The following ARMC2 variants were observed in gnomAD, a reference collection of about 807,000 sequenced individuals.
ARMC2 encodes the protein armadillo repeat-containing protein 2.
A neutral mutation model predicts 90.3 loss-of-function variants in ARMC2; 67 were observed. The observed-to-expected ratio is 0.74, with a 90% confidence interval of 0.61 to 0.91. The LOEUF (loss-of-function observed/expected upper bound fraction) is 0.91. Ranked by LOEUF, ARMC2 falls within the 40% of genes least tolerant of loss-of-function variation. The pLI is 0.00. For missense variants in ARMC2, 920 were observed against 1,030.9 expected, an observed-to-expected ratio of 0.89 and a Z score of 1.47; for synonymous variants, 393 against 393.0, an observed-to-expected ratio of 1.00 and a Z score of 0.00.
chr6:108,860,234 C>T (rs1181002871), intron 3 of ARMC2, among the ~76,000 whole-genome samples: 4 of 151,752 alleles, frequency 2.6e-5, no homozygotes, highest in African/African-American at 9.7e-5. Context: ...AGCATGTTAT[C>T]TGAGTATATT....
intron 6 of ARMC2, among the ~76,000 whole-genome samples, chr6:108,898,005 A>C (rs1771765917): frequency 6.6e-6 from 1 of 152,208 alleles, no homozygotes; most frequent in Non-Finnish European, 1.5e-5. Context: ...GAAAATACAG[A>C]AGAGCGCATA....
intron 10 of ARMC2, among the ~76,000 whole-genome samples, chr6:108,915,257 G>A (rs1583100973): frequency 6.6e-6 from 1 of 152,202 alleles, no homozygotes; most frequent in South Asian, 2.1e-4. Context: ...TGCCTGGCCA[G>A]GAGGCATTTT....
intron 12 of ARMC2, among the ~76,000 whole-genome samples, chr6:108,940,932 A>G (rs551576706): frequency 1.3e-5 from 2 of 152,230 alleles, no homozygotes; most frequent in South Asian, 4.1e-4. Flanking sequence ...AGAGAGAGAG[A>G]GAAGACTGGC....
chr6:108,895,609 G>T (rs968238896), intron 6 of ARMC2, among the ~76,000 whole-genome samples: 4 of 151,920 alleles, frequency 2.6e-5, no homozygotes, highest in African/African-American at 9.7e-5. Flanking sequence ...GTCTAGAAAT[G>T]ATACAAAATG....
intron 1 of ARMC2, among the ~76,000 whole-genome samples, chr6:108,853,812 A>G (rs1774248082): frequency 6.6e-6 from 1 of 152,234 alleles, no homozygotes; most frequent in Non-Finnish European, 1.5e-5. Flanking sequence ...TTAGAAATAC[A>G]ACATTTCTGT....
intron 10 of ARMC2, among the ~76,000 whole-genome samples, chr6:108,913,848 G>A (rs1235291491): frequency 6.6e-6 from 1 of 152,028 alleles, no homozygotes; most frequent in Non-Finnish European, 1.5e-5. Flanking sequence ...GCACCTTTTA[G>A]TACACACACA....
intron 13 of ARMC2, among the ~76,000 whole-genome samples, chr6:108,960,881 G>A (rs1211373087): frequency 2.0e-5 from 3 of 152,200 alleles, no homozygotes; most frequent in African/African-American, 7.2e-5. Context: ...GGGTCTGGGA[G>A]TAGGAGGAGC....
rs758101638 is a variant in ARMC2, at chr6:108,962,128, G to T, written c.2152+1G>T. 6.3e-7 allele frequency: 1 copy of T among 1,594,994 alleles called. No individual in the cohort carries two copies. Among genetic ancestry groups the T allele is most frequent in the South Asian group, 1.1e-5 (1 of 88,930 alleles). The stretch of plus-strand genomic sequence containing the variant: ...TGCGATTTCATTGTGCAGAACAATG[G>T]TGAGTTAATAACACTAGAATTCATA... On this transcript the variant is annotated splice_donor_variant, in intron 15 of 17. Coordinates refer to ENST00000392644, the MANE Select transcript of ARMC2 (RefSeq NM_032131.6). LOFTEE classifies it high-confidence loss of function.
intron 4 of ARMC2, among the ~76,000 whole-genome samples, chr6:108,869,679 C>T (rs1776192435): frequency 6.6e-6 from 1 of 152,118 alleles, no homozygotes; most frequent in African/African-American, 2.4e-5. Context: ...TGAGAATGCC[C>T]TTCTGATCCC....
the ARMC2 span, among the ~76,000 whole-genome samples, chr6:109,002,023 A>C: frequency 6.6e-6 from 1 of 152,236 alleles, no homozygotes. Flanking sequence ...CAGATGTTGT[A>C]TCACTGGTCA....
At chr6:108,926,576 T>G (rs187306941) in intron 10 of ARMC2, among the ~76,000 whole-genome samples, 29 of 152,230 alleles carry the variant, frequency 1.9e-4, no homozygotes, top group African/African-American at 6.5e-4. Context: ...AATACAAAAA[T>G]TAGCCAGACA....
At chr6:108,967,176 G>A (rs2128517353) in intron 17 of ARMC2, among the ~76,000 whole-genome samples, 1 of 152,298 alleles carries the variant, frequency 6.6e-6, no homozygotes, top group South Asian at 2.1e-4. Context: ...GCTTCCACTT[G>A]CTGCCCTCCC....
chr6:108,970,700 G>A (rs1778705268), intron 17 of ARMC2, among the ~76,000 whole-genome samples: 2 of 151,150 alleles, frequency 1.3e-5, no homozygotes, highest in Non-Finnish European at 2.9e-5. Flanking sequence ...GTTTCATCAT[G>A]TTGGCCAGGT....
the ARMC2 span, among the ~76,000 whole-genome samples, chr6:108,997,777 C>T: frequency 6.6e-6 from 1 of 152,160 alleles, no homozygotes; most frequent in African/African-American, 2.4e-5. Flanking sequence ...GGTACTGCTT[C>T]TAAAATTTAT....
At chr6:109,047,372 C>T in the ARMC2 span, among the ~76,000 whole-genome samples, 13 of 132,300 alleles carry the variant, frequency 9.8e-5, no homozygotes, top group East Asian at 2.6e-3. Flanking sequence ...CCCGGCCAGC[C>T]GCCCCGTCCG....
At chr6:108,936,366 C>T (rs775184299) in intron 11 of ARMC2, among the ~76,000 whole-genome samples, 1 of 152,166 alleles carries the variant, frequency 6.6e-6, no homozygotes, top group Non-Finnish European at 1.5e-5. Context: ...AAGCAGTTCT[C>T]CTGCCTGGGC....
the ARMC2 span, among the ~76,000 whole-genome samples, chr6:108,996,508 TC>T: frequency 6.6e-6 from 1 of 152,120 alleles, no homozygotes; most frequent in Non-Finnish European, 1.5e-5. Flanking sequence ...TTACCTATTC[TC>T]CTCTTAAAGA....
At chr6:108,883,812 A>T (rs1777818654) in intron 5 of ARMC2, among the ~76,000 whole-genome samples, 1 of 152,054 alleles carries the variant, frequency 6.6e-6, no homozygotes, top group Non-Finnish European at 1.5e-5. Context: ...GTATGATTCC[A>T]TTTATATGTA....
the ARMC2 span, among the ~76,000 whole-genome samples, chr6:108,983,908 G>A: frequency 5.9e-5 from 9 of 152,190 alleles, no homozygotes; most frequent in African/African-American, 2.2e-4. Context: ...CCCAACCCAT[G>A]GGCCATGGAC....
Sources: allele counts gnomAD v4.1 joint callset (sites outside exome capture counted in the v4.1 genomes callset), GRCh38; gene constraint gnomAD v4.1.1; transcripts MANE v1.5; gene names NCBI Gene and HGNC (gene_info 2026-07-23, HGNC 2026-07-21).